Variants in DCC observed in about 807,000 individuals in gnomAD.
The protein encoded by DCC is DCC netrin 1 receptor.
Under a neutral mutation model 172.5 loss-of-function variants are expected in DCC, and 58 were observed. That is an observed-to-expected ratio of 0.34 (90% CI 0.27 to 0.42). The LOEUF (loss-of-function observed/expected upper bound fraction) is 0.42. Ranked by LOEUF, DCC falls within the 10% of genes least tolerant of loss-of-function variation. The pLI is 1.00. For missense variants in DCC, 1,740 were observed against 1,791.0 expected (o/e 0.97, Z 0.51); for synonymous variants, 709 against 644.5 (o/e 1.10, Z -1.52).
At chr18:53,230,717 G>A (rs1488861773) in intron 12 of DCC, among the ~76,000 whole-genome samples, 1 of 151,792 alleles carries the variant, frequency 6.6e-6, no homozygotes, top group Admixed American at 6.6e-5. Context: ...AGCAAATGCT[G>A]GCCTTAAGAA....
intron 5 of DCC, among the ~76,000 whole-genome samples, chr18:52,948,087 T>C (rs954488608): frequency 6.6e-6 from 1 of 152,236 alleles, no homozygotes; most frequent in African/African-American, 2.4e-5. Flanking sequence ...TATGAAAAAT[T>C]TTTAAAGGGA....
chr18:52,752,386 C>A lies in DCC; in HGVS notation c.412+12C>A. On this transcript the variant is annotated intron_variant, in intron 2 of 28. Coordinates refer to ENST00000442544, the MANE Select transcript of DCC (RefSeq NM_005215.4). ...AGTTGCAGTAGCAGGTAGGTGGATT[C>A]TTCCTTCTCTTCCTCCTCCTCCTTC... is the stretch of plus-strand genomic sequence containing the variant. The A allele has an allele frequency of 1.9e-6, 3 of 1,577,248 alleles. No homozygotes were observed. Among genetic ancestry groups the A allele is most frequent in the South Asian group, 1.1e-5 (1 of 90,302 alleles).
intron 5 of DCC, among the ~76,000 whole-genome samples, chr18:52,958,575 A>G (rs775536746): frequency 6.6e-6 from 1 of 152,276 alleles, no homozygotes; most frequent in Non-Finnish European, 1.5e-5. Context: ...AACTCTAGGA[A>G]TCAGCAGTTG....
intron 27 of DCC, among the ~76,000 whole-genome samples, chr18:53,526,258 T>C (rs1318250143): frequency 6.6e-6 from 1 of 152,130 alleles, no homozygotes; most frequent in Non-Finnish European, 1.5e-5. Context: ...ATTTAGGTGG[T>C]TTAGCACAGG....
At chr18:52,783,362 A>C (rs891530224) in intron 2 of DCC, among the ~76,000 whole-genome samples, 1 of 45,682 alleles carries the variant, frequency 2.2e-5, no homozygotes, top group Admixed American at 3.5e-4. Flanking sequence ...TTTTTTTTTT[A>C]CAACACAAAG....
At chr18:53,134,663 CTG>C (rs931514824) in intron 7 of DCC, among the ~76,000 whole-genome samples, 1 of 152,124 alleles carries the variant, frequency 6.6e-6, no homozygotes, top group African/African-American at 2.4e-5. Context: ...GAATTTGACT[CTG>C]TGGTGGGTAG....
chr18:53,183,846 A>G (rs1043490068), intron 9 of DCC, among the ~76,000 whole-genome samples: 3 of 152,022 alleles, frequency 2.0e-5, no homozygotes, highest in Non-Finnish European at 4.4e-5. Context: ...GTCTCTGAAC[A>G]TTACTACCTG....
At chr18:52,433,176 C>A (rs1254872644) in intron 1 of DCC, among the ~76,000 whole-genome samples, 1 of 152,024 alleles carries the variant, frequency 6.6e-6, no homozygotes, top group Non-Finnish European at 1.5e-5. Context: ...AATAGAAAAT[C>A]TATTAATTAG....
chr18:53,219,721 T>TA (rs1449650525), intron 12 of DCC, among the ~76,000 whole-genome samples: 1 of 152,154 alleles, frequency 6.6e-6, no homozygotes, highest in Admixed American at 6.6e-5. Flanking sequence ...TCCTACGTCT[T>TA]AAAGTGTCTC....
chr18:53,027,337 C>T (rs1470773004), intron 5 of DCC, among the ~76,000 whole-genome samples: 1 of 152,110 alleles, frequency 6.6e-6, no homozygotes, highest in Non-Finnish European at 1.5e-5. Context: ...GAGAATCCAT[C>T]CTTATGAGAG....
At chr18:52,863,451 A>G (rs2039175053) in intron 2 of DCC, among the ~76,000 whole-genome samples, 1 of 151,846 alleles carries the variant, frequency 6.6e-6, no homozygotes, top group Non-Finnish European at 1.5e-5. Flanking sequence ...TATATGGAAC[A>G]GGACATATTT....
intron 8 of DCC, among the ~76,000 whole-genome samples, chr18:53,166,690 C>G (rs1362595011): frequency 6.6e-6 from 1 of 152,058 alleles, no homozygotes; most frequent in East Asian, 1.9e-4. Context: ...AAAGCTCATT[C>G]CTAGATTTAT....
intron 2 of DCC, among the ~76,000 whole-genome samples, chr18:52,799,769 T>C (rs969506504): frequency 6.6e-6 from 1 of 152,236 alleles, no homozygotes; most frequent in Non-Finnish European, 1.5e-5. Flanking sequence ...AATCTATTAA[T>C]GCAGCTTGAT....
intron 10 of DCC, among the ~76,000 whole-genome samples, chr18:53,206,556 GTATGTATTATATAATACA>G (rs894252133): frequency 6.3e-5 from 9 of 142,650 alleles, no homozygotes; most frequent in African/African-American, 1.8e-4. Context: ...ATATATACAT[GTATGTATTATATAATACA>G]TATCTATACA....
chr18:52,769,197 G>T (rs941677999), intron 2 of DCC, among the ~76,000 whole-genome samples: 3 of 152,160 alleles, frequency 2.0e-5, no homozygotes, highest in Admixed American at 2.0e-4. Context: ...ATTTCCACTA[G>T]CAATTAATGA....
At chr18:52,760,347 G>GTCCCTCCCACGAGC (rs2145147376) in intron 2 of DCC, among the ~76,000 whole-genome samples, 1 of 152,246 alleles carries the variant, frequency 6.6e-6, no homozygotes, top group East Asian at 1.9e-4. Context: ...CTCCCACGAG[G>GTCCCTCCCACGAGC]TCCCTCCCAC....
At chr18:53,086,022 C>CTTATTAT (rs1568294253) in intron 7 of DCC, among the ~76,000 whole-genome samples, 1 of 866 alleles carries the variant, frequency 1.2e-3, no homozygotes, top group African/African-American at 0.038. Context: ...CCTTCTCCCT[C>CTTATTAT]TCCCTCTCCC....
rs544077437 is a variant in DCC, at chr18:53,116,853, T to G, written c.1262-40503T>G. On this transcript the variant is annotated intron_variant, in intron 7 of 28. Transcript: ENST00000442544. ...ACAGTACACATTTATCTCACCCATT[T>G]CCCTAATTCCTATGTCTAGACTAAA... Among the ~76,000 whole-genome samples, 8 of 151,832 alleles carry G rather than the reference T, an allele frequency of 5.3e-5. No individual in the cohort carries two copies. The East Asian group carries it at 1.6e-3, about 30-fold the overall frequency.
At chr18:53,479,149 TG>T (rs1323190835) in intron 25 of DCC, among the ~76,000 whole-genome samples, 2 of 152,146 alleles carry the variant, frequency 1.3e-5, no homozygotes, top group Non-Finnish European at 2.9e-5. Flanking sequence ...GTAGGAACGG[TG>T]GTGAGAAAAA....
Sources: allele counts gnomAD v4.1 joint callset (sites outside exome capture counted in the v4.1 genomes callset), GRCh38; gene constraint gnomAD v4.1.1; transcripts MANE v1.5; gene names NCBI Gene and HGNC (gene_info 2026-07-23, HGNC 2026-07-21).